Variants in ATP8A1 observed in about 807,000 individuals in gnomAD.
ATP8A1 encodes the protein ATPase phospholipid transporting 8A1, also known as phospholipid-transporting ATPase IA.
A neutral mutation model predicts 177.7 loss-of-function variants in ATP8A1; 90 were observed. The ratio of observed to expected loss-of-function variants is 0.51; its 90% confidence interval spans 0.43 to 0.60. ATP8A1 has a LOEUF of 0.60. ATP8A1 is among the 20% of genes least tolerant of loss of function. ATP8A1 has a pLI of 0.00. For synonymous variants in ATP8A1, 493 were observed against 485.9 expected, an observed-to-expected ratio of 1.01 and a Z score of -0.19; for missense variants, 1,072 against 1,392.8, an observed-to-expected ratio of 0.77 and a Z score of 3.67.
chr4:42,608,122 C>T (rs545568445), intron 5 of ATP8A1, among the ~76,000 whole-genome samples: 10 of 152,280 alleles, frequency 6.6e-5, no homozygotes, highest in Non-Finnish European at 1.5e-4. Flanking sequence ...TAATAGGTTT[C>T]TTTTTTGAAT....
At chr4:42,482,869 T>C (rs1173864246) in intron 25 of ATP8A1, among the ~76,000 whole-genome samples, 1 of 152,170 alleles carries the variant, frequency 6.6e-6, no homozygotes, top group African/African-American at 2.4e-5. Context: ...AAGCAGTAGA[T>C]TGGAAAATAG....
At chr4:42,564,271 C>A (rs1244669267) in intron 15 of ATP8A1, among the ~76,000 whole-genome samples, 1 of 152,106 alleles carries the variant, frequency 6.6e-6, no homozygotes, top group Non-Finnish European at 1.5e-5. Context: ...CCAACAGAGT[C>A]CCTAGTGGAG....
intron 25 of ATP8A1, among the ~76,000 whole-genome samples, chr4:42,475,390 A>G (rs1234043016): frequency 1.3e-5 from 2 of 151,942 alleles, no homozygotes; most frequent in African/African-American, 4.8e-5. Context: ...GTTAACCACT[A>G]TATTATACAG....
chr4:42,464,892 C>A lies in ATP8A1; in HGVS notation c.2508+1G>T. On this transcript the variant is annotated splice_donor_variant, in intron 26 of 36. Coordinates refer to ENST00000381668, the MANE Select transcript of ATP8A1 (RefSeq NM_006095.2). LOFTEE classifies it high-confidence loss of function. ...TGTGTTTTGCAGAAATGACGCTTTA[C>A]CTGAGCTATGGAGTAGTCAGAGGAA... 6.2e-7 allele frequency: 1 copy of A among 1,613,964 alleles called. No homozygotes were observed. Among genetic ancestry groups the A allele is most frequent in the Non-Finnish European group, 8.5e-7 (1 of 1,179,888 alleles).
At chr4:42,558,402 G>A (rs550365566) in intron 15 of ATP8A1, among the ~76,000 whole-genome samples, 2 of 152,286 alleles carry the variant, frequency 1.3e-5, no homozygotes, top group East Asian at 3.9e-4. Flanking sequence ...AATAAGGCAG[G>A]GAGTATCACA....
chr4:42,486,314 A>C (rs1398192176), intron 24 of ATP8A1, among the ~76,000 whole-genome samples: 5 of 152,190 alleles, frequency 3.3e-5, no homozygotes, highest in Admixed American at 3.3e-4. Context: ...CTTTTAAATA[A>C]GGAAGAGGAA....
chr4:42,458,185 G>T (rs28375678), intron 27 of ATP8A1, among the ~76,000 whole-genome samples: 1 of 150,954 alleles, frequency 6.6e-6, no homozygotes, highest in African/African-American at 2.5e-5. Context: ...AACATATCCC[G>T]TGCAAAATAA....
intron 27 of ATP8A1, among the ~76,000 whole-genome samples, chr4:42,462,581 T>C (rs763692755): frequency 5.3e-5 from 8 of 152,224 alleles, no homozygotes; most frequent in Non-Finnish European, 8.8e-5. Flanking sequence ...AGGCATAAGT[T>C]TGCTGCAGGG....
rs1026947809 is a variant in ATP8A1, at chr4:42,423,231, TCTTTC to T, written c.3213-337_3213-333del. ...GAAAAAAATTAGTAAGGTTTTCTTTTCTTTCATTTTATATTTTATATATGTTTGGA... is the reference window on the plus strand; with the variant it reads ...GAAAAAAATTAGTAAGGTTTTCTTTTATTTTATATTTTATATATGTTTGGA... On this transcript the variant is annotated intron_variant, in intron 34 of 36. Transcript: ENST00000381668. Among the ~76,000 whole-genome samples, 90 of 152,258 alleles carry T rather than the reference TCTTTC, an allele frequency of 5.9e-4. 1 individual carries two copies. The highest frequency in any genetic ancestry group is 2.0e-3 in the African/African-American group (83 of 41,570).
Position 42,620,198 on chromosome 4 carries a change from T to C in ATP8A1, c.364-4120A>G, listed in dbSNP as rs149058224. 3.5e-3 allele frequency among the ~76,000 whole-genome samples: 534 copies of C among 152,344 alleles called. 5 individuals are homozygous for C. Among genetic ancestry groups the C allele is most frequent in the African/African-American group, 0.012 (503 of 41,588 alleles). ...ACAGCTCTTTGTCCAACTATCTAAA[T>C]TGTTATTTGATTTGTCCCCCATTTT... On this transcript the variant is annotated intron_variant, in intron 4 of 36. Transcript: ENST00000381668.
chr4:42,557,691 G>T (rs988409028), intron 15 of ATP8A1, among the ~76,000 whole-genome samples: 1 of 152,098 alleles, frequency 6.6e-6, no homozygotes, highest in Non-Finnish European at 1.5e-5. Flanking sequence ...TTCTGTCAGG[G>T]ATAATGCTAA....
intron 24 of ATP8A1, among the ~76,000 whole-genome samples, chr4:42,490,314 A>G (rs771645576): frequency 7.9e-5 from 12 of 152,174 alleles, no homozygotes; most frequent in Admixed American, 3.3e-4. Flanking sequence ...CTGTCTCGTT[A>G]ACACAGAAAG....
chr4:42,543,100 A>AAAAT (rs1728573023), intron 20 of ATP8A1, among the ~76,000 whole-genome samples: 1 of 152,190 alleles, frequency 6.6e-6, no homozygotes. Context: ...AATTCTACCA[A>AAAAT]AATGCTTTAA....
At position 42,642,740 on chromosome 4, in the gene ATP8A1, A is replaced by G. The variant is rs185710769; in HGVS notation, c.49+14085T>C. On this transcript the variant is annotated intron_variant, in intron 1 of 36. Transcript: ENST00000381668. ...CCATGCAGTAAGTACCTCCTAATGCAACATTTTACCTCAAGATGCTACTAC... is the reference window on the plus strand; with the variant it reads ...CCATGCAGTAAGTACCTCCTAATGCGACATTTTACCTCAAGATGCTACTAC... Among the ~76,000 whole-genome samples the G allele has an allele frequency of 1.7e-3, 257 of 152,342 alleles. 1 individual carries two copies. The highest frequency in any genetic ancestry group is 0.01 in the Middle Eastern group (3 of 294).
rs1728046729 is a variant in ATP8A1, at chr4:42,538,328, T to C, written c.1722+5589A>G. On this transcript the variant is annotated intron_variant, in intron 20 of 36. Coordinates refer to ENST00000381668, the MANE Select transcript of ATP8A1 (RefSeq NM_006095.2). ...ACCATAAAAACTCTAGAAGATAATA[T>C]CAGAAAAACCCTTCTGGACACTGGC... 2.0e-5 allele frequency among the ~76,000 whole-genome samples: 3 copies of C among 151,994 alleles called. No homozygotes were observed. In the South Asian group the frequency reaches 6.2e-4, roughly 32 times the overall value.
chr4:42,650,522 A>AT (rs1184173557), intron 1 of ATP8A1, among the ~76,000 whole-genome samples: 1 of 152,092 alleles, frequency 6.6e-6, no homozygotes, highest in Non-Finnish European at 1.5e-5. Context: ...GCGTCCTAAA[A>AT]TTTTTCCTTT....
At chr4:42,507,798 A>AAC (rs1553890684) in intron 22 of ATP8A1, among the ~76,000 whole-genome samples, 4 of 124,732 alleles carry the variant, frequency 3.2e-5, no homozygotes, top group South Asian at 3.3e-4. Context: ...AAAAAAAAAA[A>AAC]AAAAAAAAAA....
At chr4:42,552,261 T>A (rs772163798) in intron 17 of ATP8A1, among the ~76,000 whole-genome samples, 4 of 152,250 alleles carry the variant, frequency 2.6e-5, no homozygotes. Flanking sequence ...TTTTCACTTA[T>A]GAGAATTACG....
chr4:42,544,035 A>T lies in ATP8A1; in HGVS notation c.1653-49T>A, dbSNP rs114457310. ...ATGTGTCATCATACCAAGGATATGC[A>T]TGTATGTGTTTGTCATGCCTCACAT... On this transcript the variant is annotated intron_variant, in intron 19 of 36. Coordinates refer to ENST00000381668, the MANE Select transcript of ATP8A1 (RefSeq NM_006095.2). The T allele has an allele frequency of 2.3e-4, 326 of 1,440,252 alleles. No individual in the cohort carries two copies. The African/African-American group carries it at 4.1e-3, about 18-fold the overall frequency. The allele number at this position is 1,440,252 out of a possible 1,614,324, so 89.2% of individuals were successfully genotyped here.
Sources: gnomAD v4.1 joint callset for allele counts (sites outside exome capture counted in the v4.1 genomes callset) on GRCh38, gnomAD v4.1.1 for gene constraint, MANE v1.5 for transcripts, NCBI Gene and HGNC (gene_info 2026-07-23, HGNC 2026-07-21) for gene names.